CYREN: variants seen among roughly 807,000 people sequenced by gnomAD.
CYREN encodes cell cycle regulator of NHEJ, also known as cell cycle regulator of non-homologous end joining.
A neutral mutation model predicts 9.7 loss-of-function variants in CYREN; 7 were observed. The observed-to-expected ratio is 0.72, with a 90% CI of 0.41 to 1.36. The LOEUF (loss-of-function observed/expected upper bound fraction) is 1.36. Among genes scored for constraint, CYREN ranks in the 40% most tolerant of loss-of-function variants. CYREN has a pLI of 0.01. For synonymous variants in CYREN, 76 were observed against 77.9 expected, an observed-to-expected ratio of 0.98 and a Z score of 0.13; for missense variants, 215 against 198.1, an observed-to-expected ratio of 1.09 and a Z score of -0.51.
chr7:135,127,105 T>C (rs900695611), intron 2 of CYREN, among the ~76,000 whole-genome samples: 3 of 152,148 alleles, frequency 2.0e-5, no homozygotes, highest in African/African-American at 7.2e-5. Flanking sequence ...GAGAAAATGT[T>C]TGCAATCTAC....
Position 135,115,251 on chromosome 7 carries a change from C to T in CYREN, n.357-20669G>A, listed in dbSNP as rs1294902188. The T allele has an allele frequency of 7.0e-6, 4 of 574,876 alleles. No individual in the cohort carries two copies. The African/African-American group carries it at 7.5e-5, about 11-fold the overall frequency. 35.6% of individuals were successfully genotyped at this position (574,876 alleles called of 1,614,324 possible). The stretch of plus-strand genomic sequence containing the variant: ...ATTTTATTTGTTTATTTTCTGCCCA[C>T]TGTCATTAAAGTACAAGCTTCAGAT... On this transcript the variant is annotated intron_variant and non_coding_transcript_variant, in intron 2 of 2. Coordinates refer to the CYREN transcript ENST00000459937.
intron 2 of CYREN, among the ~76,000 whole-genome samples, chr7:135,155,711 C>G (rs1829775572): frequency 6.6e-6 from 1 of 152,094 alleles, no homozygotes; most frequent in Admixed American, 6.5e-5. Context: ...ATTAACCGGG[C>G]ATGGTGGCAC....
At chr7:135,155,248 G>C (rs1017252967) in intron 2 of CYREN, among the ~76,000 whole-genome samples, 4 of 152,080 alleles carry the variant, frequency 2.6e-5, no homozygotes, top group Non-Finnish European at 4.4e-5. Context: ...TTAGTTTCTT[G>C]TAAGCAGCAT....
At chr7:135,131,075 A>C (rs545184648) in intron 2 of CYREN, among the ~76,000 whole-genome samples, 1 of 152,278 alleles carries the variant, frequency 6.6e-6, no homozygotes, top group East Asian at 1.9e-4. Context: ...TGGATTGTCA[A>C]AGAGGATGCT....
chr7:135,122,627 T>C (rs1827296942), intron 2 of CYREN, among the ~76,000 whole-genome samples: 1 of 152,090 alleles, frequency 6.6e-6, no homozygotes, highest in Non-Finnish European at 1.5e-5. Context: ...ACGTGAGCAA[T>C]ACTGCTGGCA....
chr7:135,096,445 T>C (rs1402505362), intron 2 of CYREN, among the ~76,000 whole-genome samples: 1 of 151,294 alleles, frequency 6.6e-6, no homozygotes, highest in Non-Finnish European at 1.5e-5. Context: ...TATATATGGC[T>C]ATTCTTTTAA....
upstream of CYREN, chr7:135,170,745 C>T (rs1362141905): frequency 6.6e-6 from 1 of 152,316 alleles, no homozygotes; most frequent in Non-Finnish European, 1.5e-5. Context: ...GCTCCGGGGT[C>T]CCGCGGGCTC....
Position 135,168,994 on chromosome 7 carries a change from T to G in CYREN, c.-72A>C. 2 of 1,394,172 alleles carry G rather than the reference T, an allele frequency of 1.4e-6. No individual in the cohort carries two copies. The highest frequency in any genetic ancestry group is 1.9e-6 in the Non-Finnish European group (2 of 1,038,010). The allele number at this position is 1,394,172 out of a possible 1,614,324, so 86.4% of individuals were successfully genotyped here. On this transcript the variant is annotated 5_prime_UTR_variant, in exon 2 of 4. Transcript: ENST00000393114. Reference sequence around the variant, plus strand: ...CTGTTTTTTAATTCAGGAAGGTAAATCTCGTTCTCTCGTCACACCCGGAAT... The same window carrying G: ...CTGTTTTTTAATTCAGGAAGGTAAAGCTCGTTCTCTCGTCACACCCGGAAT...
chr7:135,106,805 T>A (rs776837996), intron 2 of CYREN, among the ~76,000 whole-genome samples: 54 of 152,342 alleles, frequency 3.5e-4, no homozygotes, highest in Non-Finnish European at 7.2e-4. Context: ...CTCGTCTTTG[T>A]ACATCTGATT....
chr7:135,164,501 C>T (rs146791672), downstream of CYREN: 37 of 1,612,886 alleles, frequency 2.3e-5, no homozygotes, highest in Middle Eastern at 1.6e-4. Context: ...TCATAGTCCT[C>T]GTGATTGTGG....
rs1585377998 is a variant in CYREN, at chr7:135,168,835, T to C, written c.88A>G (p.Lys30Glu). Residue 30 changes from lysine (K) to glutamate (E), a missense_variant, in exon 2 of 4, where the codon AAG becomes GAG. Lys to Glu is a moderately conservative substitution (Grantham distance 56). Coordinates refer to ENST00000393114, the MANE Select transcript of CYREN (RefSeq NM_024033.4). Reference sequence around the variant, plus strand: ...GCCATTCTCATCCTCTTGGGGGCCTTCATTGGTGCCACATTCTTTGTAGCC... The same window carrying C: ...GCCATTCTCATCCTCTTGGGGGCCTCCATTGGTGCCACATTCTTTGTAGCC... ...QVATKNVAPM[K>E]APKRMRMAAV... 1 of 1,614,130 alleles carries C rather than the reference T, an allele frequency of 6.2e-7. No individual in the cohort carries two copies. The highest frequency in any genetic ancestry group is 2.2e-5 in the East Asian group (1 of 44,862).
At chr7:135,140,590 A>G (rs1002934715) in intron 2 of CYREN, among the ~76,000 whole-genome samples, 1 of 152,004 alleles carries the variant, frequency 6.6e-6, no homozygotes, top group East Asian at 1.9e-4. Context: ...AGGACTCCCA[A>G]TACTATGTTG....
intron 1 of CYREN, among the ~76,000 whole-genome samples, chr7:135,169,911 G>C (rs570439575): frequency 1.3e-5 from 2 of 152,270 alleles, no homozygotes; most frequent in East Asian, 3.9e-4. Flanking sequence ...AATATTACCA[G>C]GCCCTCCTCC....
chr7:135,159,111 G>A (rs979257300), intron 2 of CYREN, among the ~76,000 whole-genome samples: 7 of 152,280 alleles, frequency 4.6e-5, no homozygotes, highest in African/African-American at 1.2e-4. Context: ...ACTCTCAGTC[G>A]GTTCCCAGCT....
chr7:135,121,873 C>T (rs1459273982), intron 2 of CYREN, among the ~76,000 whole-genome samples: 1 of 152,174 alleles, frequency 6.6e-6, no homozygotes, highest in African/African-American at 2.4e-5. Context: ...GCCGGGGAAA[C>T]CGTGCTTTTT....
intron 2 of CYREN, among the ~76,000 whole-genome samples, chr7:135,152,205 T>G (rs1448384415): frequency 1.3e-5 from 2 of 152,238 alleles, no homozygotes; most frequent in African/African-American, 4.8e-5. Context: ...GTCACACAGC[T>G]GGTGAATGGA....
chr7:135,127,380 C>T (rs1265038078), intron 2 of CYREN, among the ~76,000 whole-genome samples: 3 of 151,770 alleles, frequency 2.0e-5, no homozygotes, highest in Admixed American at 1.3e-4. Flanking sequence ...CATGAAACCC[C>T]ATCTCTACTA....
chr7:135,098,437 A>G (rs1237280882), intron 2 of CYREN, among the ~76,000 whole-genome samples: 2 of 152,192 alleles, frequency 1.3e-5, no homozygotes, highest in Non-Finnish European at 2.9e-5. Flanking sequence ...GACAAGGAAA[A>G]AAGTCTGCAC....
intron 2 of CYREN, among the ~76,000 whole-genome samples, chr7:135,102,843 G>T (rs970111216): frequency 8.5e-5 from 13 of 152,050 alleles, no homozygotes; most frequent in African/African-American, 3.1e-4. Context: ...GCATGGGAGA[G>T]AATCTTTATG....
Sources: allele counts gnomAD v4.1 joint callset (sites outside exome capture counted in the v4.1 genomes callset), GRCh38; gene constraint gnomAD v4.1.1; transcripts MANE v1.5; gene names NCBI Gene and HGNC (gene_info 2026-07-23, HGNC 2026-07-21).